Variants in TERF2 observed in about 807,000 individuals in gnomAD.
TERF2 encodes the protein telomeric repeat-binding factor 2.
Under a neutral mutation model 56.1 loss-of-function variants are expected in TERF2, and 16 were observed. The observed-to-expected ratio is 0.29, with a 90% CI of 0.19 to 0.43. The LOEUF is 0.43. Ranked by LOEUF, TERF2 falls within the 20% of genes least tolerant of loss-of-function variation. TERF2 has a pLI of 1.00. For synonymous variants in TERF2, 296 were observed against 282.1 expected (o/e 1.05, Z -0.50); for missense variants, 547 against 712.9 (o/e 0.77, Z 2.65).
chr16:69,372,523 G>A (rs1178453875), intron 3 of TERF2, among the ~76,000 whole-genome samples, 168 bp from the exon 4 acceptor site: 2 of 152,174 alleles, frequency 1.3e-5, no homozygotes, highest in South Asian at 2.1e-4. Flanking sequence ...AGCACTTTGG[G>A]AGGCCAAGGC....
chr16:69,366,894 C>A lies in TERF2; in HGVS notation c.1253G>T (p.Gly418Val). The change falls in exon 7 of 10, where the codon GGC (glycine) becomes GTC (valine). Residue 418 changes from glycine to valine, a missense_variant. By Grantham distance (109) the Gly-to-Val change is moderately radical (BLOSUM62 -3). Transcript: ENST00000254942. The part of the protein sequence containing the change: ...EDSQSTEPSA[G>V]LNSSQEAASA... Reference sequence around the variant, plus strand: ...AGCGGCCTCCTGGGAGGAGTTGAGGCCTGCGCTGGGCTCAGTACTCTGGCT... The same window carrying A: ...AGCGGCCTCCTGGGAGGAGTTGAGGACTGCGCTGGGCTCAGTACTCTGGCT... 2 of 1,614,188 alleles carry A rather than the reference C, an allele frequency of 1.2e-6. No individual in the cohort carries two copies. Among genetic ancestry groups the A allele is most frequent in the Non-Finnish European group, 1.7e-6 (2 of 1,180,028 alleles).
rs1368780286 is a variant in TERF2 at position 69,385,621 on chromosome 16, G to A, written c.351C>T (p.Asp117=). 1 of 1,604,036 alleles carries A rather than the reference G, an allele frequency of 6.2e-7. No homozygotes were observed. The highest frequency in any genetic ancestry group is 2.3e-5 in the East Asian group (1 of 44,320). Residue 117 remains aspartate, a synonymous_variant, in exon 1 of 10, where the codon GAC becomes GAT. Transcript: ENST00000254942. ...LRAFRGSRYG[D]FRQIRDIMQA... ...GCATGATGTCCCGGATCTGTCTGAAGTCCCCGTACCGGCTACCCCGAAAGG... is the reference window on the plus strand; with the variant it reads ...GCATGATGTCCCGGATCTGTCTGAAATCCCCGTACCGGCTACCCCGAAAGG...
rs1567458347 is a variant in TERF2 at position 69,385,477 on chromosome 16, AC to A, written c.388del (p.Val130SerfsTer29). 1 of 1,614,048 alleles carries A rather than the reference AC, an allele frequency of 6.2e-7. No individual in the cohort carries two copies. The highest frequency in any genetic ancestry group is 8.5e-7 in the Non-Finnish European group (1 of 1,179,982). Reference protein sequence around the residue: ...QIRDIMQALLVRPLGKEHTVS... With the variant: ...QIRDIMQALLXRPLGKEHTVS... ...GGTGTGCTCCTTCCCCAAGGGCCTG[AC>A]AAGCAAAGCTGGGAGAGAAGACATC... On this transcript the variant is annotated frameshift_variant, in exon 2 of 10. Coordinates refer to ENST00000254942, the MANE Select transcript of TERF2 (RefSeq NM_005652.5). LOFTEE classifies it high-confidence loss of function.
chr16:69,366,645 G>A, intron 7 of TERF2, 162 bp downstream of exon 7: 2 of 913,304 alleles, frequency 2.2e-6, no homozygotes, highest in Non-Finnish European at 3.2e-6. Flanking sequence ...CGGCAGGGAT[G>A]GCTACGTCGT....
chr16:69,356,837 C>CTATCAG lies in TERF2; in HGVS notation c.*55_*60dup. On this transcript the variant is annotated 3_prime_UTR_variant, in exon 10 of 10. Transcript: ENST00000254942. ...AAAAGAAAAAGAAAGAAAGAGCAGA[C>CTATCAG]TATCAGGGGCTATTATTAGGAACCA... 7.2e-7 allele frequency: 1 copy of CTATCAG among 1,398,542 alleles called. No individual in the cohort carries two copies. Among genetic ancestry groups the CTATCAG allele is most frequent in the Non-Finnish European group, 9.7e-7 (1 of 1,033,114 alleles). 86.6% of individuals were successfully genotyped at this position (1,398,542 alleles called of 1,614,324 possible). A position where few individuals can be genotyped will look rare whatever the true frequency, so the allele number is the denominator to read the frequency against.
At chr16:69,357,895 C>A (rs2012969720) in intron 8 of TERF2, among the ~76,000 whole-genome samples, 1 of 146,008 alleles carries the variant, frequency 6.8e-6, no homozygotes, top group African/African-American at 2.6e-5. Flanking sequence ...GTTCCCCAGG[C>A]TGGAGTGCAG....
intron 8 of TERF2, among the ~76,000 whole-genome samples, chr16:69,360,572 G>T (rs2013097266): frequency 6.6e-6 from 1 of 151,776 alleles, no homozygotes. Context: ...GTTGGGCATG[G>T]TGGCAAGGGC....
intron 3 of TERF2, among the ~76,000 whole-genome samples, chr16:69,377,768 CT>C (rs1483697382): frequency 6.6e-6 from 1 of 150,892 alleles, no homozygotes; most frequent in East Asian, 1.9e-4. Flanking sequence ...ACTGACTTTT[CT>C]TTTTTTACTT....
chr16:69,372,402 G>T, intron 3 of TERF2, 47 bp from the exon 4 acceptor site: 1 of 1,244,258 alleles, frequency 8.0e-7, no homozygotes, highest in Non-Finnish European at 1.2e-6. Flanking sequence ...AATGACAGGT[G>T]TAATCAGAAT....
chr16:69,366,720 G>T, intron 7 of TERF2, 87 bp downstream of exon 7: 1 of 1,472,202 alleles, frequency 6.8e-7, no homozygotes. Context: ...TAACTTAGCT[G>T]AAAGTTACTT....
Position 69,356,883 on chromosome 16 carries a change from A to C in TERF2, c.*15T>G. The stretch of plus-strand genomic sequence containing the variant: ...AACCATGCTCCTGTGAATTCTGTGG[A>C]AATGAAAGCCTGTTTCAGTTCATGC... On this transcript the variant is annotated 3_prime_UTR_variant, in exon 10 of 10. Coordinates refer to ENST00000254942, the MANE Select transcript of TERF2 (RefSeq NM_005652.5). The C allele has an allele frequency of 1.2e-6, 2 of 1,605,228 alleles. No individual in the cohort carries two copies. The highest frequency in any genetic ancestry group is 1.7e-6 in the Non-Finnish European group (2 of 1,175,938).
At chr16:69,373,450 T>A (rs2013650664) in intron 3 of TERF2, among the ~76,000 whole-genome samples, 1 of 152,120 alleles carries the variant, frequency 6.6e-6, no homozygotes, top group African/African-American at 2.4e-5. Flanking sequence ...TGGGAGTATT[T>A]GAAGTTATAT....
At chr16:69,365,631 T>C (rs112881959) in intron 7 of TERF2, 1 of 152,398 alleles carries the variant, frequency 6.6e-6, no homozygotes, top group African/African-American at 2.4e-5. Context: ...GTTCCAGTAA[T>C]TCTCCTGCCT....
intron 8 of TERF2, among the ~76,000 whole-genome samples, chr16:69,358,912 T>C (rs900372667): frequency 6.6e-6 from 1 of 152,258 alleles, no homozygotes; most frequent in African/African-American, 2.4e-5. Flanking sequence ...ATGCCTACGA[T>C]ATATGGTGTA....
chr16:69,362,741 C>T (rs1167814498), intron 7 of TERF2, among the ~76,000 whole-genome samples: 1 of 152,144 alleles, frequency 6.6e-6, no homozygotes, highest in Non-Finnish European at 1.5e-5. Flanking sequence ...GCCCTGGGAA[C>T]AGAGCAAAGC....
intron 8 of TERF2, among the ~76,000 whole-genome samples, chr16:69,360,982 C>T (rs1426860023): frequency 2.0e-5 from 3 of 152,012 alleles, no homozygotes; most frequent in African/African-American, 7.2e-5. Flanking sequence ...TCTGTAATCC[C>T]AGCACTCTGG....
At chr16:69,364,718 C>G (rs1174044172) in intron 7 of TERF2, among the ~76,000 whole-genome samples, 1 of 152,186 alleles carries the variant, frequency 6.6e-6, no homozygotes, top group Non-Finnish European at 1.5e-5. Context: ...CCTTCCCAGG[C>G]CAGCTCAATG....
chr16:69,360,390 A>G (rs564260592), intron 8 of TERF2, among the ~76,000 whole-genome samples: 1 of 151,896 alleles, frequency 6.6e-6, no homozygotes, highest in Non-Finnish European at 1.5e-5. Context: ...ATCTCAAAAA[A>G]AAAAAAGAAA....
At chr16:69,384,343 C>T (rs2014110580) in intron 3 of TERF2, among the ~76,000 whole-genome samples, 1 of 152,132 alleles carries the variant, frequency 6.6e-6, no homozygotes, top group Non-Finnish European at 1.5e-5. Flanking sequence ...AGCTTCAATG[C>T]CAAAGCCACA....
Sources: allele counts gnomAD v4.1 joint callset (sites outside exome capture counted in the v4.1 genomes callset), GRCh38; gene constraint gnomAD v4.1.1; transcripts MANE v1.5; gene names NCBI Gene and HGNC (gene_info 2026-07-23, HGNC 2026-07-21).